Variants in KIF26B observed in about 807,000 individuals in gnomAD.
KIF26B encodes kinesin-like protein KIF26B.
KIF26B carries 63 observed loss-of-function variants against 151.2 expected under a neutral mutation model. That is an observed-to-expected ratio of 0.42 (90% confidence interval 0.34 to 0.51). KIF26B has a LOEUF of 0.51. KIF26B is among the 20% of genes least tolerant of loss of function. KIF26B has a pLI of 0.07. For synonymous variants in KIF26B, 1,357 were observed against 1,262.1 expected (o/e 1.08, Z -1.59); for missense variants, 2,813 against 2,913.6 (o/e 0.97, Z 0.79).
intron 3 of KIF26B, among the ~76,000 whole-genome samples, chr1:245,394,104 G>A (rs1352237150): frequency 2.0e-5 from 3 of 152,152 alleles, no homozygotes; most frequent in Non-Finnish European, 4.4e-5. Context: ...CCTATCACTA[G>A]CTTGAGACTC....
chr1:245,518,626 G>A (rs76495348), intron 4 of KIF26B, among the ~76,000 whole-genome samples: 23,594 of 152,152 alleles, frequency 0.16, 2,255 homozygotes, highest in Middle Eastern at 0.32. Flanking sequence ...CCAGCATTCT[G>A]GTACCAGTTA....
chr1:245,336,337 C>T (rs1672233159), intron 2 of KIF26B, among the ~76,000 whole-genome samples: 1 of 152,186 alleles, frequency 6.6e-6, no homozygotes. Flanking sequence ...AGAAAAAGGA[C>T]TGCTCTGGGG....
chr1:245,617,341 A>T (rs750011316), intron 9 of KIF26B, among the ~76,000 whole-genome samples: 5 of 152,098 alleles, frequency 3.3e-5, no homozygotes, highest in Non-Finnish European at 7.4e-5. Context: ...CAAGTGATCC[A>T]CCCACCTCGG....
chr1:245,302,850 G>T (rs956374589), intron 2 of KIF26B, among the ~76,000 whole-genome samples: 1 of 151,792 alleles, frequency 6.6e-6, no homozygotes, highest in East Asian at 2.0e-4. Context: ...TTAGCTGGGC[G>T]TGGTGGCGGG....
chr1:245,230,105 C>G (rs1365238579), intron 2 of KIF26B, among the ~76,000 whole-genome samples: 1 of 149,490 alleles, frequency 6.7e-6, no homozygotes. Flanking sequence ...TGCACTCCAG[C>G]CTGGGCGATA....
chr1:245,628,679 G>T (rs537598720), intron 9 of KIF26B, among the ~76,000 whole-genome samples: 1 of 152,240 alleles, frequency 6.6e-6, no homozygotes, highest in African/African-American at 2.4e-5. Context: ...CATTCCCTTT[G>T]AAAACCAGCA....
chr1:245,482,503 T>C (rs1660189896), intron 4 of KIF26B, among the ~76,000 whole-genome samples: 1 of 151,856 alleles, frequency 6.6e-6, no homozygotes, highest in South Asian at 2.1e-4. Flanking sequence ...AAGGACTGAA[T>C]ACAAACATCA....
chr1:245,688,623 G>A lies in KIF26B; in HGVS notation c.5640G>A (p.Pro1880=), dbSNP rs548515451. Residue 1880 remains proline, a synonymous_variant, in exon 12 of 15, where the codon CCG becomes CCA. Coordinates refer to ENST00000407071, the MANE Select transcript of KIF26B (RefSeq NM_018012.4). ...GCAGCGTGCTGAGCGGGGAGCTCCC[G>A]CCGGCCATGGGGAAGACGGCCCTGT... ...DNSSVLSGEL[P]PAMGKTALFY... is the part of the protein sequence containing the mutation. 4.4e-6 allele frequency: 7 copies of A among 1,595,996 alleles called. No homozygotes were observed. Among genetic ancestry groups the A allele is most frequent in the East Asian group, 4.6e-5 (2 of 43,874 alleles).
intron 2 of KIF26B, among the ~76,000 whole-genome samples, chr1:245,209,201 A>G (rs963340462): frequency 9.2e-5 from 14 of 152,144 alleles, no homozygotes; most frequent in African/African-American, 3.4e-4. Flanking sequence ...GGAGTTTGAG[A>G]CCAGCCTGGC....
intron 2 of KIF26B, among the ~76,000 whole-genome samples, chr1:245,248,204 G>A (rs1298760792): frequency 6.6e-6 from 1 of 152,084 alleles, no homozygotes; most frequent in East Asian, 1.9e-4. Flanking sequence ...GAAAGACACG[G>A]CGACCTACTT....
At chr1:245,248,361 C>T (rs751078705) in intron 2 of KIF26B, among the ~76,000 whole-genome samples, 5 of 152,198 alleles carry the variant, frequency 3.3e-5, no homozygotes, top group Non-Finnish European at 5.9e-5. Flanking sequence ...TGAGAAGGCA[C>T]GCTTACCTTC....
chr1:245,388,383 G>A (rs1197825128), intron 3 of KIF26B, among the ~76,000 whole-genome samples: 1 of 152,166 alleles, frequency 6.6e-6, no homozygotes, highest in Non-Finnish European at 1.5e-5. Flanking sequence ...CTTGCAGGAT[G>A]CACTTTTAAT....
chr1:245,184,042 G>C (rs1180087784), intron 2 of KIF26B, among the ~76,000 whole-genome samples: 1 of 9,250 alleles, frequency 1.1e-4, no homozygotes, highest in Non-Finnish European at 3.6e-4. Flanking sequence ...GTATGGGTGG[G>C]AGTTGTTGTT....
At chr1:245,444,864 C>T (rs141779795) in intron 4 of KIF26B, among the ~76,000 whole-genome samples, 1 of 152,270 alleles carries the variant, frequency 6.6e-6, no homozygotes, top group Non-Finnish European at 1.5e-5. Flanking sequence ...CCAAAATCCA[C>T]GTGTGTCTTT....
chr1:245,542,918 A>G (rs1661657747), intron 5 of KIF26B, among the ~76,000 whole-genome samples: 1 of 152,184 alleles, frequency 6.6e-6, no homozygotes, highest in African/African-American at 2.4e-5. Flanking sequence ...ACTCTAAGCC[A>G]GTTCTCTTCT....
At chr1:245,336,907 A>C (rs1489198767) in intron 2 of KIF26B, among the ~76,000 whole-genome samples, 1 of 152,202 alleles carries the variant, frequency 6.6e-6, no homozygotes, top group East Asian at 1.9e-4. Flanking sequence ...TAACAGTTGA[A>C]GAAGCAGTTT....
chr1:245,687,067 A>G lies in KIF26B; in HGVS notation c.4084A>G (p.Ile1362Val), dbSNP rs73127011. ...AGCAGCCCCCATCAAAGGCTGCAAA[A>G]TATCCACAGTGAGCAAGGCCATGGT... The part of the protein sequence containing the change: ...NKAAPIKGCK[I>V]STVSKAMVTI... Residue 1362 changes from isoleucine (I) to valine (V), a missense_variant, in exon 12 of 15, where the codon ATA becomes GTA. By Grantham distance (29) the Ile-to-Val change is conservative. Transcript: ENST00000407071. This position sits in a 1 kb window ranked among gnomAD's most constrained non-coding sequence, Gnocchi z 4.9. 624 of 1,613,522 alleles carry G rather than the reference A, an allele frequency of 3.9e-4. 2 individuals carry two copies. In the African/African-American group the frequency reaches 7.5e-3, roughly 20 times the overall value.
chr1:245,475,931 A>G (rs764435648), intron 4 of KIF26B, among the ~76,000 whole-genome samples: 9 of 151,924 alleles, frequency 5.9e-5, no homozygotes, highest in Non-Finnish European at 1.2e-4. Flanking sequence ...AACTGAAAAC[A>G]TACATCCACA....
At chr1:245,638,996 G>A (rs75615311) in intron 9 of KIF26B, among the ~76,000 whole-genome samples, 6,537 of 151,920 alleles carry the variant, frequency 0.043, 210 homozygotes, top group Admixed American at 0.1. Flanking sequence ...TGTAGAATGA[G>A]TTTGGAAGTA....
Sources: allele counts gnomAD v4.1 joint callset (sites outside exome capture counted in the v4.1 genomes callset), GRCh38; gene constraint gnomAD v4.1.1; non-coding constraint Gnocchi (gnomAD v3.1); transcripts MANE v1.5; gene names NCBI Gene and HGNC (gene_info 2026-07-23, HGNC 2026-07-21).